FANCE: variants seen among roughly 807,000 people sequenced by gnomAD.
FANCE encodes the protein Fanconi anemia group E protein.
Under a neutral mutation model 57.8 loss-of-function variants are expected in FANCE, and 42 were observed. That is an observed-to-expected ratio of 0.73 (90% CI 0.57 to 0.94). FANCE has a LOEUF of 0.94. Among genes scored for constraint, FANCE ranks in the 40% least tolerant of loss-of-function variants. FANCE has a pLI of 0.00. For synonymous variants in FANCE, 251 were observed against 286.4 expected (o/e 0.88, Z 1.25); for missense variants, 608 against 661.8 (o/e 0.92, Z 0.89).
At chr6:35,464,648 C>A (rs1314414210) in intron 9 of FANCE, among the ~76,000 whole-genome samples, 1 of 151,492 alleles carries the variant, frequency 6.6e-6, no homozygotes, top group Non-Finnish European at 1.5e-5. Context: ...CCACCACACC[C>A]AGCCTCAGGC....
chr6:35,461,469 C>T (rs1187098346), intron 8 of FANCE, among the ~76,000 whole-genome samples: 2 of 152,216 alleles, frequency 1.3e-5, no homozygotes, highest in Non-Finnish European at 2.9e-5. Context: ...GAGATACCAT[C>T]TATATGTGGA....
intron 9 of FANCE, among the ~76,000 whole-genome samples, chr6:35,463,167 T>A (rs964635500): frequency 6.6e-6 from 1 of 152,182 alleles, no homozygotes; most frequent in South Asian, 2.1e-4. Flanking sequence ...GGTGTGGTGG[T>A]GCACGCCTAT....
Position 35,459,759 on chromosome 6 carries a change from G to T in FANCE, c.1315G>T (p.Gly439Ter). 6.2e-7 allele frequency: 1 copy of T among 1,613,898 alleles called. No individual in the cohort carries two copies. Among genetic ancestry groups the T allele is most frequent in the South Asian group, 1.1e-5 (1 of 91,080 alleles). Residue 439 changes from glycine to a stop codon, truncating the protein, a stop_gained and splice_region_variant, in exon 7 of 10, where the codon GGA (glycine) becomes TGA (stop). Coordinates refer to ENST00000229769, the MANE Select transcript of FANCE (RefSeq NM_021922.3). LOFTEE classifies it high-confidence loss of function. ...GCCAGATGCACAGGTTCTAATGCTG[G>T]GGTGAGTGTGCAGGCCTCCGTGCTG... ...LEPDAQVLML[G>*]QILELPWKEE...
intron 8 of FANCE, among the ~76,000 whole-genome samples, chr6:35,461,701 G>A (rs913236629): frequency 7.6e-4 from 113 of 149,038 alleles, no homozygotes; most frequent in African/African-American, 2.3e-3. Flanking sequence ...AGGCTGGAGT[G>A]CAGTGGTGCG....
Position 35,455,924 on chromosome 6 carries a change from G to C in FANCE, c.426G>C (p.Arg142Ser), listed in dbSNP as rs370606792. 1.9e-6 allele frequency: 3 copies of C among 1,614,026 alleles called. No individual in the cohort carries two copies. The highest frequency in any genetic ancestry group is 2.5e-6 in the Non-Finnish European group (3 of 1,180,036). Reference sequence around the variant, plus strand: ...GTGCCCTGGGGGAATTGCTGCGAAGGGATTTGGGGGTGGGGACCTCCATGG... The same window carrying C: ...GTGCCCTGGGGGAATTGCTGCGAAGCGATTTGGGGGTGGGGACCTCCATGG... Reference protein sequence around the residue: ...WLRALGELLRRDLGVGTSMEG... With the variant: ...WLRALGELLRSDLGVGTSMEG... The change falls in exon 2 of 10, where the codon AGG (arginine) becomes AGC (serine). Residue 142 changes from arginine (R) to serine (S), a missense_variant. Coordinates refer to ENST00000229769, the MANE Select transcript of FANCE (RefSeq NM_021922.3).
rs781237285 is a variant in FANCE at position 35,456,312 on chromosome 6, A to T, written c.814A>T (p.Lys272Ter). Residue 272 changes from lysine (K) to a stop codon, truncating the protein, a stop_gained, in exon 2 of 10, where the codon AAA becomes TAA. Transcript: ENST00000229769. LOFTEE classifies it high-confidence loss of function. The surrounding 1 kb of genome is among the most constrained non-coding windows in gnomAD (Gnocchi z 4.3). ...GEDGSNLDDA[K>*]GLAESLELPK... The stretch of plus-strand genomic sequence containing the variant: ...GGACGGTTCGAATCTGGATGATGCT[A>T]AAGGTCTGGCTGAGAGTTTGGAGTT... The T allele has an allele frequency of 6.2e-7, 1 of 1,614,156 alleles. No homozygotes were observed. Among genetic ancestry groups the T allele is most frequent in the Non-Finnish European group, 8.5e-7 (1 of 1,180,016 alleles).
intron 1 of FANCE, among the ~76,000 whole-genome samples, chr6:35,454,792 A>G (rs1389408328): frequency 2.0e-5 from 3 of 152,216 alleles, no homozygotes; most frequent in Non-Finnish European, 4.4e-5. Flanking sequence ...GGAATCTGTA[A>G]AGTGATTCCT....
intron 8 of FANCE, 52 bp from the exon 9 acceptor site, chr6:35,462,737 G>A: frequency 3.7e-6 from 6 of 1,612,664 alleles, no homozygotes; most frequent in Non-Finnish European, 5.1e-6. Flanking sequence ...CTGGCTGAAT[G>A]AAGAGCCCAA....
In FANCE at chr6:35,459,428, A is replaced by G; in HGVS notation, c.1211A>G (p.Asp404Gly). The G allele has an allele frequency of 6.2e-7, 1 of 1,613,934 alleles. No homozygotes were observed. The highest frequency in any genetic ancestry group is 8.5e-7 in the Non-Finnish European group (1 of 1,180,010). ...TACCCTGTCTGCAGCGCCCTCCTTG[A>G]CCCTGTGCTCCAGGCCCCAGGCACA... ...YTYPVCSALL[D>G]PVLQAPGTGP... The change falls in exon 6 of 10, where the codon GAC becomes GGC. Residue 404 changes from aspartate to glycine, a missense_variant. Physicochemically the swap from Asp to Gly is moderately conservative, Grantham distance 94. Coordinates refer to ENST00000229769, the MANE Select transcript of FANCE (RefSeq NM_021922.3).
In FANCE at chr6:35,456,016, TG is replaced by T. The variant is rs773363446; in HGVS notation, c.524del (p.Gly175AlafsTer4). 1 of 1,612,730 alleles carries T rather than the reference TG, an allele frequency of 6.2e-7. No homozygotes were observed. Among genetic ancestry groups the T allele is most frequent in the Non-Finnish European group, 8.5e-7 (1 of 1,179,616 alleles). ...CAAAGTCTATGTAGGGGGCTGGGCC[TG>T]GGGGGCAGGAGGTTGAAATCCCCCC... Reference protein sequence around the residue: ...QLQSLCRGLGLGGRRLKSPQA... With the variant: ...QLQSLCRGLGXGGRRLKSPQA... On this transcript the variant is annotated frameshift_variant, in exon 2 of 10. Coordinates refer to ENST00000229769, the MANE Select transcript of FANCE (RefSeq NM_021922.3). LOFTEE classifies it high-confidence loss of function. The surrounding 1 kb of genome is among the most constrained non-coding windows in gnomAD (Gnocchi z 4.3).
In FANCE at chr6:35,452,706, G is replaced by T; in HGVS notation, c.161G>T (p.Gly54Val). The change falls in exon 1 of 10, where the codon GGC (glycine) becomes GTC (valine). Residue 54 changes from glycine to valine, a missense_variant. Gly to Val is a moderately radical substitution (Grantham distance 109). Coordinates refer to ENST00000229769, the MANE Select transcript of FANCE (RefSeq NM_021922.3). The stretch of plus-strand genomic sequence containing the variant: ...GTGCTCCGGGCGCTGGGCAGCCGCG[G>T]CTGGGAGCCCTTCGACTGGGGTCGC... The part of the protein sequence containing the change: ...LGVLRALGSR[G>V]WEPFDWGRLL... 1 of 1,242,970 alleles carries T rather than the reference G, an allele frequency of 8.0e-7. No homozygotes were observed. Among genetic ancestry groups the T allele is most frequent in the Non-Finnish European group, 1.0e-6 (1 of 993,814 alleles). The allele number at this position is 1,242,970 out of a possible 1,614,324, so 77.0% of individuals were successfully genotyped here.
chr6:35,460,520 A>G (rs754619352), intron 7 of FANCE, 32 bp from the exon 8 acceptor site: 27 of 1,606,312 alleles, frequency 1.7e-5, no homozygotes, highest in Non-Finnish European at 2.1e-5. Context: ...GTGGGAGGCC[A>G]GGCATTTTTC....
At position 35,456,037 on chromosome 6, in the gene FANCE, C is replaced by G. The variant is rs757662883; in HGVS notation, c.539C>G (p.Ser180Cys). Residue 180 changes from serine to cysteine, a missense_variant, in exon 2 of 10, where the codon TCC becomes TGC. By Grantham distance (112) the Ser-to-Cys change is moderately radical (BLOSUM62 -1). Transcript: ENST00000229769. This position sits in a 1 kb window ranked among gnomAD's most constrained non-coding sequence, Gnocchi z 4.3. ...GGCCTGGGGGGCAGGAGGTTGAAAT[C>G]CCCCCAGGCTCCAGACCCTGAAGAA... ...GLGLGGRRLK[S>C]PQAPDPEEEE... 3.1e-6 allele frequency: 5 copies of G among 1,612,594 alleles called. No homozygotes were observed. In the East Asian group the frequency reaches 8.9e-5, roughly 29 times the overall value.
In FANCE at chr6:35,466,950, C is replaced by T. The variant is rs907324464; in HGVS notation, c.*605C>T. ...TCCGATAGGGCTCAGTAGGATCAAG[C>T]CGACCCAGAGTGGGCATGGGATGCT... On this transcript the variant is annotated 3_prime_UTR_variant, in exon 10 of 10. Transcript: ENST00000229769. 3.1e-5 allele frequency: 7 copies of T among 223,946 alleles called. No individual in the cohort carries two copies. The highest frequency in any genetic ancestry group is 5.3e-5 in the Non-Finnish European group (6 of 112,202). 13.9% of individuals were successfully genotyped at this position (223,946 alleles called of 1,614,324 possible).
chr6:35,459,790 A>T (rs1316152818), intron 7 of FANCE, 30 bp downstream of exon 7: 1 of 1,592,916 alleles, frequency 6.3e-7, no homozygotes, highest in South Asian at 1.1e-5. Context: ...TGCTGTCCCC[A>T]CTGCCACCTG....
chr6:35,463,794 T>C (rs1158519533), intron 9 of FANCE, among the ~76,000 whole-genome samples: 1 of 151,974 alleles, frequency 6.6e-6, no homozygotes, highest in African/African-American at 2.4e-5. Flanking sequence ...CCCGAGTAGC[T>C]GGGATTACCT....
chr6:35,461,313 C>T (rs1166076923), intron 8 of FANCE, among the ~76,000 whole-genome samples: 5 of 152,236 alleles, frequency 3.3e-5, no homozygotes, highest in Non-Finnish European at 5.9e-5. Context: ...CGTGAGCCAC[C>T]ACGCCCAGCC....
intron 5 of FANCE, 108 bp from the exon 6 acceptor site, chr6:35,459,223 G>GTTTTTTTTT: frequency 7.5e-7 from 1 of 1,330,386 alleles, no homozygotes; most frequent in Non-Finnish European, 1.0e-6. Flanking sequence ...AAAGAACTTG[G>GTTTTTTTTT]TTTTTTTTTT....
chr6:35,464,365 G>A (rs532186114), intron 9 of FANCE, among the ~76,000 whole-genome samples: 1 of 151,258 alleles, frequency 6.6e-6, no homozygotes, highest in East Asian at 2.0e-4. Context: ...AGCCTCCTGA[G>A]TAGCTGGGAC....
Sources: allele counts gnomAD v4.1 joint callset (sites outside exome capture counted in the v4.1 genomes callset), GRCh38; gene constraint gnomAD v4.1.1; non-coding constraint Gnocchi (gnomAD v3.1); transcripts MANE v1.5; gene names NCBI Gene and HGNC (gene_info 2026-07-23, HGNC 2026-07-21).